Variants in BMPR1A observed in about 807,000 individuals in gnomAD.
BMPR1A encodes bone morphogenetic protein receptor type-1A.
BMPR1A carries 7 observed loss-of-function variants against 66.0 expected under a neutral mutation model. That is an observed-to-expected ratio of 0.11 (90% confidence interval 0.06 to 0.20). The LOEUF is 0.20. BMPR1A is among the 10% of genes least tolerant of loss of function. The probability of loss-of-function intolerance (pLI) is 1.00; values close to 1 mark genes in which losing one functional copy is unlikely to be tolerated. For missense variants in BMPR1A, 408 were observed against 669.1 expected, an observed-to-expected ratio of 0.61 and a Z score of 4.31; for synonymous variants, 200 against 229.7, an observed-to-expected ratio of 0.87 and a Z score of 1.17.
At position 86,923,388 on chromosome 10, in the gene BMPR1A, A is replaced by G. The variant is rs1843694708; in HGVS notation, c.1355A>G (p.Glu452Gly). 2 of 1,614,210 alleles carry G rather than the reference A, an allele frequency of 1.2e-6. No individual in the cohort carries two copies. The highest frequency in any genetic ancestry group is 1.7e-6 in the Non-Finnish European group (2 of 1,180,038). The part of the protein sequence containing the change: ...RRCITGGIVE[E>G]YQLPYYNMVP... ...CATTCCCTTATAGGGATCGTGGAAG[A>G]ATACCAATTGCCATATTACAACATG... Residue 452 changes from glutamate to glycine, a missense_variant, in exon 12 of 13, where the codon GAA becomes GGA. Transcript: ENST00000372037.
rs553705840 is a variant in BMPR1A, at chr10:86,863,144, A to G, written c.-152-12723A>G. On this transcript the variant is annotated intron_variant, in intron 2 of 12. Coordinates refer to ENST00000372037, the MANE Select transcript of BMPR1A (RefSeq NM_004329.3). Reference sequence around the variant, plus strand: ...AGGCACCCACCACCAGGCCTGGCTAATTTCTGTATTTTTAGTAGAGATGGG... The same window carrying G: ...AGGCACCCACCACCAGGCCTGGCTAGTTTCTGTATTTTTAGTAGAGATGGG... 2.5e-4 allele frequency among the ~76,000 whole-genome samples: 38 copies of G among 152,002 alleles called. No homozygotes were observed. The East Asian group carries it at 7.2e-3, about 29-fold the overall frequency.
intron 3 of BMPR1A, 80 bp downstream of exon 3, chr10:86,876,165 C>A: frequency 7.4e-7 from 1 of 1,357,588 alleles, no homozygotes; most frequent in Non-Finnish European, 1.0e-6. Flanking sequence ...CAACTCATCC[C>A]TGTTTGAATA....
chr10:86,790,145 G>T (rs1457797456), intron 1 of BMPR1A, among the ~76,000 whole-genome samples: 7 of 100,828 alleles, frequency 6.9e-5, no homozygotes, highest in Non-Finnish European at 1.3e-4. Context: ...CTGGACGACA[G>T]AGCGAGACTC....
intron 3 of BMPR1A, among the ~76,000 whole-genome samples, chr10:86,887,154 C>G (rs1400632722): frequency 1.3e-5 from 2 of 152,038 alleles, no homozygotes; most frequent in African/African-American, 2.4e-5. Flanking sequence ...TCACTTTTCA[C>G]ATTGTATTTA....
intron 1 of BMPR1A, among the ~76,000 whole-genome samples, chr10:86,771,367 T>C (rs980956986): frequency 4.6e-5 from 7 of 152,268 alleles, no homozygotes; most frequent in African/African-American, 1.4e-4. Context: ...TTAAAGAATG[T>C]TGAGCAATAA....
intron 2 of BMPR1A, among the ~76,000 whole-genome samples, chr10:86,871,802 CAA>C (rs35659562): frequency 8.4e-4 from 104 of 123,780 alleles, no homozygotes; most frequent in East Asian, 1.7e-3. Context: ...ACTCTGCCTC[CAA>C]AAAAAAAAAA....
At chr10:86,763,093 G>A (rs557075199) in intron 1 of BMPR1A, among the ~76,000 whole-genome samples, 6 of 151,932 alleles carry the variant, frequency 3.9e-5, no homozygotes, top group Admixed American at 6.6e-5. Context: ...ACGGGGTTTC[G>A]CTGTGTTGGT....
chr10:86,895,493 A>G (rs1376065632), intron 5 of BMPR1A, among the ~76,000 whole-genome samples: 2 of 151,818 alleles, frequency 1.3e-5, no homozygotes, highest in Admixed American at 1.3e-4. Flanking sequence ...AGCCAAAATC[A>G]TGCCATTGCA....
chr10:86,815,655 T>G (rs530268078), intron 1 of BMPR1A, among the ~76,000 whole-genome samples: 2 of 152,280 alleles, frequency 1.3e-5, no homozygotes, highest in South Asian at 2.1e-4. Context: ...AAACACTGGT[T>G]TAAAAATCTG....
At chr10:86,852,205 C>T (rs937004906) in intron 2 of BMPR1A, among the ~76,000 whole-genome samples, 8 of 151,612 alleles carry the variant, frequency 5.3e-5, no homozygotes, top group African/African-American at 1.5e-4. Flanking sequence ...AGTTCTTATA[C>T]ATTTCAAATA....
At chr10:86,915,200 A>AT (rs553875864) in intron 8 of BMPR1A, among the ~76,000 whole-genome samples, 20 of 151,250 alleles carry the variant, frequency 1.3e-4, no homozygotes, top group Middle Eastern at 3.4e-3. Context: ...TAATTTTTGT[A>AT]TTTTTTTTTA....
intron 11 of BMPR1A, 83 bp downstream of exon 11, chr10:86,921,778 T>C: frequency 4.4e-6 from 7 of 1,587,722 alleles, no homozygotes; most frequent in Non-Finnish European, 6.0e-6. Flanking sequence ...CTTTTTAGTT[T>C]TTAATTTTTG....
At position 86,790,191 on chromosome 10, in the gene BMPR1A, ATATATATAT is replaced by A. The variant is rs1841590850; in HGVS notation, c.-268+33273_-268+33281del. 2.4e-3 allele frequency among the ~76,000 whole-genome samples: 22 copies of A among 9,322 alleles called. 1 individual carries two copies. Among genetic ancestry groups the A allele is most frequent in the African/African-American group, 8.8e-3 (13 of 1,482 alleles). The allele number at this position is 9,322 out of a possible 152,430, so 6.1% of individuals were successfully genotyped here. A position where few individuals can be genotyped will look rare whatever the true frequency, so the allele number is the denominator to read the frequency against. On this transcript the variant is annotated intron_variant, in intron 1 of 12. Transcript: ENST00000372037. The stretch of plus-strand genomic sequence containing the variant: ...AAAAAAAAAAAAAAAAAAAAAAAAT[ATATATATAT>A]ATATATATATATATATATATATATA...
rs137994652 is a variant in BMPR1A at position 86,918,147 on chromosome 10, G to A, written c.868+821G>A. On this transcript the variant is annotated intron_variant, in intron 9 of 12. Coordinates refer to ENST00000372037, the MANE Select transcript of BMPR1A (RefSeq NM_004329.3). Reference sequence around the variant, plus strand: ...GGTGGCCTTCTCCCTGGGTGCCTGGGTCCACATTTCCACCTTACAACATCA... The same window carrying A: ...GGTGGCCTTCTCCCTGGGTGCCTGGATCCACATTTCCACCTTACAACATCA... 5.4e-3 allele frequency among the ~76,000 whole-genome samples: 829 copies of A among 152,182 alleles called. 3 individuals are homozygous for A. Among genetic ancestry groups the A allele is most frequent in the Non-Finnish European group, 8.1e-3 (548 of 68,012 alleles).
intron 1 of BMPR1A, among the ~76,000 whole-genome samples, chr10:86,801,371 A>T (rs1217383220): frequency 6.6e-6 from 1 of 152,068 alleles, no homozygotes; most frequent in South Asian, 2.1e-4. Context: ...TCCTGGGCCC[A>T]CTCAAGCCAT....
chr10:86,849,196 T>C (rs892668400), intron 2 of BMPR1A, among the ~76,000 whole-genome samples: 1 of 152,244 alleles, frequency 6.6e-6, no homozygotes. Context: ...CTTTGTTCTT[T>C]AGGAAAAATC....
At position 86,926,028 on chromosome 10, in the gene BMPR1A, A is replaced by G. The variant is rs1473758873; in HGVS notation, c.*2309A>G. The G allele has an allele frequency of 6.4e-5, 11 of 172,722 alleles. No homozygotes were observed. Among genetic ancestry groups the G allele is most frequent in the Admixed American group, 5.1e-4 (8 of 15,728 alleles). 10.7% of individuals were successfully genotyped at this position (172,722 alleles called of 1,614,324 possible). ...CTTAATAAAAATATAAAGACAGGCA[A>G]AGTTTATTGGAAATGTTCAAATGGT... On this transcript the variant is annotated 3_prime_UTR_variant, in exon 13 of 13. Transcript: ENST00000372037.
intron 1 of BMPR1A, among the ~76,000 whole-genome samples, chr10:86,761,386 A>C (rs868237100): frequency 1.3e-5 from 2 of 152,350 alleles, no homozygotes; most frequent in East Asian, 1.9e-4. Context: ...CTCTTGATCC[A>C]GCTGTATATA....
At chr10:86,796,747 A>G (rs1036925077) in intron 1 of BMPR1A, among the ~76,000 whole-genome samples, 6 of 151,258 alleles carry the variant, frequency 4.0e-5, no homozygotes, top group Non-Finnish European at 7.4e-5. Flanking sequence ...TAATTTTTGT[A>G]TTTTTTGTAG....
Sources: gnomAD v4.1 joint callset for allele counts (sites outside exome capture counted in the v4.1 genomes callset) on GRCh38, gnomAD v4.1.1 for gene constraint, MANE v1.5 for transcripts, NCBI Gene and HGNC (gene_info 2026-07-23, HGNC 2026-07-21) for gene names.